The following POTEE variants were observed in gnomAD, a reference collection of about 807,000 sequenced individuals.
The protein encoded by POTEE is POTE ankyrin domain family member E, also known as ANKRD26-like family C member 1A.
POTEE carries 21 observed loss-of-function variants against 74.2 expected under a neutral mutation model. The observed-to-expected ratio is 0.28, with a 90% CI of 0.20 to 0.41. POTEE has a LOEUF of 0.41. Among genes scored for constraint, POTEE ranks in the 10% least tolerant of loss-of-function variants. POTEE has a pLI of 1.00. For synonymous variants in POTEE, 211 were observed against 432.8 expected, an observed-to-expected ratio of 0.49 and a Z score of 6.36; for missense variants, 525 against 1,158.6, an observed-to-expected ratio of 0.45 and a Z score of 7.94.
At chr2:131,231,536 A>G (rs964692545) in intron 9 of POTEE, among the ~76,000 whole-genome samples, 3 of 152,106 alleles carry the variant, frequency 2.0e-5, no homozygotes, top group African/African-American at 7.2e-5. Context: ...ACTGAAGCAC[A>G]AGTCATGTTA....
rs1701130734 is a variant in POTEE at position 131,236,269 on chromosome 2, C to G, written c.1127-463C>G. On this transcript the variant is annotated intron_variant, in intron 9 of 17. Transcript: ENST00000683005. The stretch of plus-strand genomic sequence containing the variant: ...TTTTCTTAACCTTGCTCTGGGATGT[C>G]TGGAGCCCATACCTGTGGGCTCTAG... Among the ~76,000 whole-genome samples the G allele has an allele frequency of 3.3e-5, 5 of 152,190 alleles. No homozygotes were observed. In the South Asian group the frequency reaches 1.0e-3, roughly 32 times the overall value.
chr2:131,243,419 TTGTG>T (rs1420256103), intron 12 of POTEE, among the ~76,000 whole-genome samples: 2 of 146,292 alleles, frequency 1.4e-5, no homozygotes, highest in African/African-American at 4.9e-5. Context: ...TCTGTTGTTA[TTGTG>T]TGTTTTTCTC....
chr2:131,222,295 A>G (rs558856689), intron 4 of POTEE, among the ~76,000 whole-genome samples: 146 of 151,776 alleles, frequency 9.6e-4, no homozygotes, highest in Non-Finnish European at 1.7e-3. Flanking sequence ...ATCCTTAGCA[A>G]ACTAACAAAG....
At chr2:131,236,567 G>A (rs1234638345) in intron 9 of POTEE, among the ~76,000 whole-genome samples, 165 bp from the exon 10 acceptor site, 13 of 150,840 alleles carry the variant, frequency 8.6e-5, no homozygotes, top group African/African-American at 3.2e-4. Context: ...TCCCCAAGTG[G>A]TTTGTTGAAG....
intron 2 of POTEE, among the ~76,000 whole-genome samples, 153 bp downstream of exon 2, chr2:131,211,336 C>T (rs1244410531): frequency 2.0e-5 from 3 of 151,076 alleles, no homozygotes; most frequent in Non-Finnish European, 4.4e-5. Flanking sequence ...ACTGCAGGGC[C>T]CAGTCCGACC....
chr2:131,231,847 T>C (rs1189810130), intron 9 of POTEE, among the ~76,000 whole-genome samples: 7 of 152,186 alleles, frequency 4.6e-5, no homozygotes, highest in East Asian at 1.9e-4. Context: ...AATACATTTA[T>C]AGTCCAAACT....
intron 1 of POTEE, among the ~76,000 whole-genome samples, chr2:131,210,205 A>G (rs1305767132): frequency 8.2e-6 from 1 of 121,958 alleles, no homozygotes; most frequent in African/African-American, 3.3e-5. Context: ...AGGGTGCGCT[A>G]TCAGGAGCTG....
rs1700499932 is a variant in POTEE at position 131,218,392 on chromosome 2, G to A, written c.-11G>A. 11 of 1,612,308 alleles carry A rather than the reference G, an allele frequency of 6.8e-6. No individual in the cohort carries two copies. In the Admixed American group the frequency reaches 1.7e-4, roughly 24 times the overall value. On this transcript the variant is annotated 5_prime_UTR_variant, in exon 4 of 18. Transcript: ENST00000683005. ...TGGCTACTACTGGCTTCTCCTGGCT[G>A]TTAAAAGCAGATGGTGGTTGAGGTT...
intron 2 of POTEE, among the ~76,000 whole-genome samples, chr2:131,214,533 T>A (rs1445974516): frequency 1.3e-5 from 2 of 152,226 alleles, no homozygotes; most frequent in Non-Finnish European, 2.9e-5. Flanking sequence ...CTAGATCTTT[T>A]CTTGTCTAGA....
At chr2:131,220,621 A>C (rs1700588821) in intron 4 of POTEE, among the ~76,000 whole-genome samples, 1 of 152,034 alleles carries the variant, frequency 6.6e-6, no homozygotes, top group African/African-American at 2.4e-5. Flanking sequence ...AGAAGAAGGA[A>C]TGTAAGTTAG....
Position 131,231,567 on chromosome 2 carries a change from G to T in POTEE, c.1126+661G>T, listed in dbSNP as rs572785899. On this transcript the variant is annotated intron_variant, in intron 9 of 17. Coordinates refer to ENST00000683005, the MANE Select transcript of POTEE (RefSeq NM_001083538.3). The stretch of plus-strand genomic sequence containing the variant: ...TGTTACATATGCTTGTCCCAATAAG[G>T]TCTCACTATTACTGACTTCATTCCT... 2.8e-4 allele frequency among the ~76,000 whole-genome samples: 42 copies of T among 152,164 alleles called. No individual in the cohort carries two copies. The South Asian group carries it at 7.3e-3, about 26-fold the overall frequency.
chr2:131,222,851 T>C (rs1406863619), intron 4 of POTEE, among the ~76,000 whole-genome samples: 1 of 151,686 alleles, frequency 6.6e-6, no homozygotes, highest in Non-Finnish European at 1.5e-5. Flanking sequence ...GAACTAAAAT[T>C]TATCTAAATG....
intron 8 of POTEE, among the ~76,000 whole-genome samples, chr2:131,230,326 T>G (rs1412350414): frequency 6.6e-6 from 1 of 152,164 alleles, no homozygotes; most frequent in Non-Finnish European, 1.5e-5. Context: ...AAAATATGCA[T>G]TGGGTTTTAT....
intron 10 of POTEE, among the ~76,000 whole-genome samples, chr2:131,237,415 A>G (rs1415355883): frequency 6.6e-6 from 1 of 151,928 alleles, no homozygotes; most frequent in African/African-American, 2.4e-5. Flanking sequence ...ACCAGGTCAT[A>G]AAAGCAACAC....
At chr2:131,228,000 G>T (rs1319227243) in intron 7 of POTEE, among the ~76,000 whole-genome samples, 1 of 150,312 alleles carries the variant, frequency 6.7e-6, no homozygotes, top group East Asian at 2.0e-4. Flanking sequence ...CCCATCAAAG[G>T]ACTTTAAATT....
intron 8 of POTEE, chr2:131,229,505 C>T (rs1353125191): frequency 6.6e-6 from 1 of 152,224 alleles, no homozygotes; most frequent in Non-Finnish European, 1.5e-5. Flanking sequence ...TCACAGGAAG[C>T]CATTGAAGAG....
Position 131,256,701 on chromosome 2 carries a change from TAAG to T in POTEE, c.1778+3611_1778+3613del, listed in dbSNP as rs1414796676. ...AGCTCTTTACTTAAAATCCCCTTTC[TAAG>T]AAGAAGAAAAAGGGTAAAAAGAAAC... On this transcript the variant is annotated intron_variant, in intron 16 of 17. Transcript: ENST00000683005. Among the ~76,000 whole-genome samples, 17 of 135,760 alleles carry T rather than the reference TAAG, an allele frequency of 1.3e-4. No individual in the cohort carries two copies. The East Asian group carries it at 1.6e-3, about 13-fold the overall frequency. The allele number at this position is 135,760 out of a possible 152,430, so 89.1% of individuals were successfully genotyped here.
chr2:131,233,592 A>T (rs1378335878), intron 9 of POTEE, among the ~76,000 whole-genome samples: 2 of 50,586 alleles, frequency 4.0e-5, no homozygotes, highest in Non-Finnish European at 1.0e-4. Context: ...TACTTGTTTT[A>T]ATATGTTGGC....
chr2:131,233,315 A>G (rs1343838996), intron 9 of POTEE, among the ~76,000 whole-genome samples: 1 of 151,896 alleles, frequency 6.6e-6, no homozygotes, highest in Non-Finnish European at 1.5e-5. Context: ...TGTGAAAGCC[A>G]CCATGATTAT....
Sources: allele counts gnomAD v4.1 joint callset (sites outside exome capture counted in the v4.1 genomes callset), GRCh38; gene constraint gnomAD v4.1.1; transcripts MANE v1.5; gene names NCBI Gene and HGNC (gene_info 2026-07-23, HGNC 2026-07-21).